GSG1L: variants seen among roughly 807,000 people sequenced by gnomAD.
The protein encoded by GSG1L is germ cell-specific gene 1-like protein.
Under a neutral mutation model 42.1 loss-of-function variants are expected in GSG1L, and 24 were observed. The observed-to-expected ratio is 0.57, with a 90% CI of 0.41 to 0.80. GSG1L has a LOEUF of 0.80. GSG1L is among the 30% of genes least tolerant of loss of function. The pLI is 0.00. For missense variants in GSG1L, 445 were observed against 472.2 expected, an observed-to-expected ratio of 0.94 and a Z score of 0.53; for synonymous variants, 215 against 203.5, an observed-to-expected ratio of 1.06 and a Z score of -0.48.
chr16:27,791,535 C>T, intron 6 of GSG1L, 68 bp from the exon 7 acceptor site: 11 of 1,039,298 alleles, frequency 1.1e-5, no homozygotes, highest in Non-Finnish European at 1.3e-5. Context: ...CTACCCACCG[C>T]CCCCCACCCA....
chr16:28,048,660 A>G (rs1468412209), intron 1 of GSG1L, among the ~76,000 whole-genome samples: 1 of 152,264 alleles, frequency 6.6e-6, no homozygotes, highest in African/African-American at 2.4e-5. Flanking sequence ...TTGTCATTGC[A>G]TAATTTTTAG....
chr16:27,920,645 A>G (rs2084513757), intron 2 of GSG1L, among the ~76,000 whole-genome samples: 1 of 152,232 alleles, frequency 6.6e-6, no homozygotes, highest in South Asian at 2.1e-4. Flanking sequence ...CATCCCGGGA[A>G]GTCACTGTTC....
chr16:27,997,309 C>CTTTTTTTTT (rs34188570), intron 1 of GSG1L, among the ~76,000 whole-genome samples: 4 of 70,594 alleles, frequency 5.7e-5, no homozygotes, highest in East Asian at 6.5e-4. Context: ...GTGTTCTCCA[C>CTTTTTTTTT]TTTTTTTTTT....
chr16:27,964,401 G>C (rs1377879604), intron 1 of GSG1L, among the ~76,000 whole-genome samples: 1 of 151,946 alleles, frequency 6.6e-6, no homozygotes, highest in African/African-American at 2.4e-5. Flanking sequence ...ATTTTGCCTT[G>C]ATGAGCCCCT....
intron 2 of GSG1L, among the ~76,000 whole-genome samples, chr16:27,930,424 C>T (rs768714824): frequency 1.3e-5 from 2 of 152,218 alleles, no homozygotes; most frequent in African/African-American, 2.4e-5. Flanking sequence ...CCATCTAACA[C>T]GCTCCACAGG....
intron 1 of GSG1L, among the ~76,000 whole-genome samples, chr16:28,057,448 G>A (rs1596739147): frequency 6.6e-6 from 1 of 152,142 alleles, no homozygotes; most frequent in Non-Finnish European, 1.5e-5. Flanking sequence ...GGGCACCGTG[G>A]ATTCCCCCAA....
intron 2 of GSG1L, among the ~76,000 whole-genome samples, chr16:27,895,332 G>A (rs543013053): frequency 6.6e-5 from 10 of 152,208 alleles, no homozygotes; most frequent in South Asian, 2.1e-4. Context: ...CAGGGGACAC[G>A]GATCCCACCC....
intron 3 of GSG1L, among the ~76,000 whole-genome samples, chr16:27,860,696 C>T (rs1319572784): frequency 1.3e-5 from 2 of 152,172 alleles, no homozygotes; most frequent in Non-Finnish European, 2.9e-5. Flanking sequence ...TTTAGACTCC[C>T]CAGCCATCTG....
chr16:27,900,461 G>A (rs74015128), intron 2 of GSG1L, among the ~76,000 whole-genome samples: 8 of 152,326 alleles, frequency 5.3e-5, no homozygotes, highest in Non-Finnish European at 8.8e-5. Flanking sequence ...CCCATGGCAC[G>A]AGAAGCCCAG....
At chr16:27,989,774 G>T (rs886280932) in intron 1 of GSG1L, among the ~76,000 whole-genome samples, 1 of 151,358 alleles carries the variant, frequency 6.6e-6, no homozygotes, top group Admixed American at 6.6e-5. Context: ...TATGGGAAAC[G>T]TTGTCAAATA....
chr16:27,827,358 G>C (rs1186920088), intron 5 of GSG1L, among the ~76,000 whole-genome samples: 3 of 152,194 alleles, frequency 2.0e-5, no homozygotes, highest in Non-Finnish European at 2.9e-5. Flanking sequence ...AGAGCTCAGA[G>C]AGAGTAACAG....
intron 1 of GSG1L, among the ~76,000 whole-genome samples, chr16:28,056,830 C>G (rs917397867): frequency 6.6e-6 from 1 of 151,964 alleles, no homozygotes; most frequent in Non-Finnish European, 1.5e-5. Context: ...CAGTGTGATA[C>G]GCAGTGGGTA....
At chr16:27,836,171 T>C (rs557663663) in intron 4 of GSG1L, among the ~76,000 whole-genome samples, 1 of 152,292 alleles carries the variant, frequency 6.6e-6, no homozygotes, top group African/African-American at 2.4e-5. Context: ...TCTTTCAAAA[T>C]GTTGTGCCAC....
intron 2 of GSG1L, among the ~76,000 whole-genome samples, chr16:27,895,515 G>A (rs1041166593): frequency 5.9e-5 from 9 of 152,146 alleles, no homozygotes; most frequent in Non-Finnish European, 1.3e-4. Flanking sequence ...GAAATATCCT[G>A]CAAACCTTTC....
chr16:27,817,242 G>C (rs1035374387), intron 5 of GSG1L, among the ~76,000 whole-genome samples: 1 of 152,196 alleles, frequency 6.6e-6, no homozygotes, highest in Middle Eastern at 3.2e-3. Flanking sequence ...CTGTGGCAGG[G>C]GTGGGTGTCA....
chr16:27,953,632 A>C (rs2084974641), intron 2 of GSG1L, among the ~76,000 whole-genome samples: 1 of 152,166 alleles, frequency 6.6e-6, no homozygotes, highest in South Asian at 2.1e-4. Flanking sequence ...TAATCCCAGC[A>C]CTTTGGGAGG....
chr16:27,986,570 G>A (rs1345567674), intron 1 of GSG1L, among the ~76,000 whole-genome samples: 3 of 151,832 alleles, frequency 2.0e-5, no homozygotes, highest in African/African-American at 4.8e-5. Context: ...AAACACTTGC[G>A]ACAAAGGGAT....
chr16:28,043,798 G>A (rs1166284865), intron 1 of GSG1L, among the ~76,000 whole-genome samples: 2 of 152,174 alleles, frequency 1.3e-5, no homozygotes, highest in Non-Finnish European at 2.9e-5. Flanking sequence ...AAAACAGGAG[G>A]ATTGCCTGAG....
intron 2 of GSG1L, among the ~76,000 whole-genome samples, chr16:27,944,374 C>T (rs1228756865): frequency 6.6e-6 from 1 of 152,022 alleles, no homozygotes; most frequent in Non-Finnish European, 1.5e-5. Flanking sequence ...GTAATCCCAG[C>T]ACTTTGGGAG....
Sources: gnomAD v4.1 joint callset for allele counts (sites outside exome capture counted in the v4.1 genomes callset) on GRCh38, gnomAD v4.1.1 for gene constraint, MANE v1.5 for transcripts, NCBI Gene and HGNC (gene_info 2026-07-23, HGNC 2026-07-21) for gene names.